TCEA2: variants seen among roughly 807,000 people sequenced by gnomAD.
TCEA2 encodes the protein transcription elongation factor A2, also known as transcription elongation factor A protein 2.
Under a neutral mutation model 40.8 loss-of-function variants are expected in TCEA2, and 21 were observed. The ratio of observed to expected loss-of-function variants is 0.51; its 90% CI spans 0.36 to 0.74. The LOEUF (loss-of-function observed/expected upper bound fraction) is 0.74, where lower values mean the gene tolerates loss of function less well. TCEA2 is among the 30% of genes least tolerant of loss of function. TCEA2 has a pLI of 0.00. For missense variants in TCEA2, 326 were observed against 426.5 expected (o/e 0.76, Z 2.08); for synonymous variants, 165 against 162.7 (o/e 1.01, Z -0.11).
intron 1 of TCEA2, chr20:64,065,460 G>A (rs1249384860): frequency 6.6e-6 from 1 of 151,646 alleles, no homozygotes; most frequent in Non-Finnish European, 1.5e-5. Context: ...GAGATGGGGT[G>A]TTGCAGGGCA....
In TCEA2 at chr20:64,069,453, A is replaced by G. The variant is rs1315416332; in HGVS notation, c.422A>G (p.Lys141Arg). ...VPVTCDAVRN[K>R]CREMLTAALQ... ...GTCACCTGTGATGCCGTGCGCAACA[A>G]GTGCCGCGAGATGCTGACCGCTGCC... is the stretch of plus-strand genomic sequence containing the variant. The change falls in exon 5 of 10, where the codon AAG becomes AGG. Residue 141 changes from lysine (K) to arginine (R), a missense_variant. Lys to Arg is a conservative substitution (Grantham distance 26, BLOSUM62 2). Coordinates refer to ENST00000343484, the MANE Select transcript of TCEA2 (RefSeq NM_003195.6). 1 of 1,613,428 alleles carries G rather than the reference A, an allele frequency of 6.2e-7. No homozygotes were observed. Among genetic ancestry groups the G allele is most frequent in the Admixed American group, 1.7e-5 (1 of 60,004 alleles).
At chr20:64,067,428 G>T (rs1484189529) in intron 3 of TCEA2, among the ~76,000 whole-genome samples, 1 of 152,176 alleles carries the variant, frequency 6.6e-6, no homozygotes, top group Non-Finnish European at 1.5e-5. Context: ...GGCCACCTCA[G>T]CTACTCAGAG....
Position 64,068,088 on chromosome 20 carries a change from C to T in TCEA2, c.283C>T (p.Pro95Ser), listed in dbSNP as rs1278746240. The T allele has an allele frequency of 6.2e-7, 1 of 1,609,464 alleles. No homozygotes were observed. Among genetic ancestry groups the T allele is most frequent in the South Asian group, 1.1e-5 (1 of 89,852 alleles). ...AGCCAGGGAGCGGGGGAGGGGCATG[C>T]CTCTGCCCACGTCCTCGAGGGATGC... ...AKARERGRGM[P>S]LPTSSRDASE... Residue 95 changes from proline (P) to serine (S), a missense_variant, in exon 4 of 10, where the codon CCT becomes TCT. By Grantham distance (74) the Pro-to-Ser change is moderately conservative. Transcript: ENST00000343484.
Position 64,069,500 on chromosome 20 carries a change from G to A in TCEA2, c.460+9G>A, listed in dbSNP as rs756205632. The A allele has an allele frequency of 2.2e-5, 36 of 1,610,716 alleles. No homozygotes were observed. Among genetic ancestry groups the A allele is most frequent in the Non-Finnish European group, 2.5e-5 (29 of 1,179,018 alleles). Reference sequence around the variant, plus strand: ...TGCCCTGCAGACGGACCGTGAGTGCGGCCGGCCCTGGCTCCTGACACCCGC... The same window carrying A: ...TGCCCTGCAGACGGACCGTGAGTGCAGCCGGCCCTGGCTCCTGACACCCGC... On this transcript the variant is annotated intron_variant, in intron 5 of 9. Transcript: ENST00000343484.
chr20:64,068,344 C>G (rs2059744531), intron 4 of TCEA2, among the ~76,000 whole-genome samples: 6 of 152,224 alleles, frequency 3.9e-5, no homozygotes, highest in Admixed American at 3.9e-4. Flanking sequence ...TGTCAGCCAG[C>G]CATCCTGGCC....
At position 64,066,458 on chromosome 20, in the gene TCEA2, T is replaced by G. The variant is rs749821003; in HGVS notation, c.73-18T>G. 4.3e-6 allele frequency: 7 copies of G among 1,612,974 alleles called. No homozygotes were observed. Among genetic ancestry groups the G allele is most frequent in the Non-Finnish European group, 5.1e-6 (6 of 1,179,120 alleles). ...TGAGATCTAAAGTCCTTTATGAAGG[T>G]CCTCCTTCTCCTTCCAGGAGGGAGC... On this transcript the variant is annotated intron_variant, in intron 1 of 9. Transcript: ENST00000343484.
chr20:64,056,076 G>T (rs1015990276), upstream of TCEA2, among the ~76,000 whole-genome samples: 1 of 152,074 alleles, frequency 6.6e-6, no homozygotes, highest in Non-Finnish European at 1.5e-5. Context: ...GAGCAAGCCT[G>T]GAGCAGGCCG....
intron 1 of TCEA2, among the ~76,000 whole-genome samples, chr20:64,064,766 G>C (rs2059647993): frequency 6.6e-6 from 1 of 152,186 alleles, no homozygotes; most frequent in Admixed American, 6.5e-5. Context: ...GCTGGGTGCA[G>C]CACCCCCATC....
chr20:64,072,334 G>C lies in TCEA2; in HGVS notation c.*154G>C. The C allele has an allele frequency of 1.2e-6, 1 of 855,352 alleles. No individual in the cohort carries two copies. The highest frequency in any genetic ancestry group is 1.8e-6 in the Non-Finnish European group (1 of 551,326). 53.0% of individuals were successfully genotyped at this position (855,352 alleles called of 1,614,324 possible). A position where few individuals can be genotyped will look rare whatever the true frequency, so the allele number is the denominator to read the frequency against. ...TGCCCTTTCCCCCTCATTATTAAATGTTTCTTTTTGCCATCTTGTTCTCCT... is the reference window on the plus strand; with the variant it reads ...TGCCCTTTCCCCCTCATTATTAAATCTTTCTTTTTGCCATCTTGTTCTCCT... On this transcript the variant is annotated 3_prime_UTR_variant, in exon 10 of 10. Transcript: ENST00000343484.
chr20:64,057,515 A>C (rs1193534789), exon 1 of TCEA2: 1 of 152,230 alleles, frequency 6.6e-6, no homozygotes, highest in African/African-American at 2.4e-5. Flanking sequence ...CTGGAGCAGC[A>C]CCCTGCGGCG....
chr20:64,056,057 G>A (rs1406739591), upstream of TCEA2, among the ~76,000 whole-genome samples: 1 of 152,068 alleles, frequency 6.6e-6, no homozygotes, highest in Non-Finnish European at 1.5e-5. Context: ...TGGGGGAAGT[G>A]CATTGTTAGA....
intron 9 of TCEA2, 36 bp downstream of exon 9, chr20:64,071,977 C>T: frequency 6.2e-7 from 1 of 1,613,042 alleles, no homozygotes; most frequent in Non-Finnish European, 8.5e-7. Flanking sequence ...CTCCCAGCTC[C>T]ATTCTCTGGA....
chr20:64,056,634 G>A (rs1004644921), upstream of TCEA2, among the ~76,000 whole-genome samples: 30 of 152,232 alleles, frequency 2.0e-4, no homozygotes, highest in African/African-American at 4.3e-4. Flanking sequence ...TTCCCACCAC[G>A]GCGCTGCCTC....
chr20:64,060,281 TC>T (rs1287236288), upstream of TCEA2, among the ~76,000 whole-genome samples: 1 of 152,194 alleles, frequency 6.6e-6, no homozygotes, highest in Non-Finnish European at 1.5e-5. Flanking sequence ...TGGCTTCCTT[TC>T]GGTGGTCTTC....
Position 64,066,972 on chromosome 20 carries a change from G to A in TCEA2, c.193G>A (p.Val65Ile). The change falls in exon 3 of 10, where the codon GTC (valine) becomes ATC (isoleucine). Residue 65 changes from valine to isoleucine, a missense_variant. Physicochemically the swap from Val to Ile is conservative, Grantham distance 29 (BLOSUM62 3). Coordinates refer to ENST00000343484, the MANE Select transcript of TCEA2 (RefSeq NM_003195.6). ...TCGGAAGCAGAGCTCGGATGAGGAG[G>A]TCATTGCACTGGCCAAGTCTCTCAT... ...ALRKQSSDEEVIALAKSLIKS... is the reference protein window; with the variant it reads ...ALRKQSSDEEIIALAKSLIKS... The A allele has an allele frequency of 5.0e-6, 8 of 1,613,948 alleles. No homozygotes were observed. The highest frequency in any genetic ancestry group is 6.8e-6 in the Non-Finnish European group (8 of 1,179,954).
upstream of TCEA2, among the ~76,000 whole-genome samples, chr20:64,058,251 C>A (rs1167255340): frequency 6.6e-6 from 1 of 152,240 alleles, no homozygotes; most frequent in African/African-American, 2.4e-5. This position sits in a 1 kb window ranked among gnomAD's most constrained non-coding sequence, Gnocchi z 6.7. Context: ...CCACCAGTGA[C>A]CCCATCCACA....
intron 1 of TCEA2, among the ~76,000 whole-genome samples, chr20:64,065,139 G>A (rs372692154): frequency 2.0e-5 from 3 of 152,096 alleles, no homozygotes; most frequent in Non-Finnish European, 4.4e-5. Context: ...AGGTGTGGGG[G>A]TTTTTTTGCC....
chr20:64,056,014 C>A (rs1472108544), upstream of TCEA2, among the ~76,000 whole-genome samples: 1 of 151,982 alleles, frequency 6.6e-6, no homozygotes, highest in Non-Finnish European at 1.5e-5. Flanking sequence ...GCCAGGCTGG[C>A]GGGCTGGCAG....
rs1245181460 is a variant in TCEA2, at chr20:64,072,274, C to G, written c.*94C>G. The G allele has an allele frequency of 2.1e-6, 3 of 1,403,356 alleles. No individual in the cohort carries two copies. Among genetic ancestry groups the G allele is most frequent in the Non-Finnish European group, 3.0e-6 (3 of 1,013,664 alleles). The allele number at this position is 1,403,356 out of a possible 1,614,324, so 86.9% of individuals were successfully genotyped here. ...TGGAGACCCTAGAAGGCGGCATGTC[C>G]TGCCCTCAACCTGCCTGCCTGGATT... is the stretch of plus-strand genomic sequence containing the variant. On this transcript the variant is annotated 3_prime_UTR_variant, in exon 10 of 10. Coordinates refer to ENST00000343484, the MANE Select transcript of TCEA2 (RefSeq NM_003195.6).
Sources: allele counts gnomAD v4.1 joint callset (sites outside exome capture counted in the v4.1 genomes callset), GRCh38; gene constraint gnomAD v4.1.1; non-coding constraint Gnocchi (gnomAD v3.1); transcripts MANE v1.5; gene names NCBI Gene and HGNC (gene_info 2026-07-23, HGNC 2026-07-21).